The following PDE1C variants were observed in gnomAD, a reference collection of about 807,000 sequenced individuals.
The protein encoded by PDE1C is dual specificity calcium/calmodulin-dependent 3',5'-cyclic nucleotide phosphodiesterase 1C.
PDE1C carries 62 observed loss-of-function variants against 93.1 expected under a neutral mutation model. The ratio of observed to expected loss-of-function variants is 0.67; its 90% CI spans 0.54 to 0.82. PDE1C has a LOEUF of 0.82. PDE1C is among the 40% of genes least tolerant of loss of function. The pLI, the probability that PDE1C is intolerant of heterozygous loss-of-function variation, is 0.00. For missense variants in PDE1C, 742 were observed against 884.6 expected (o/e 0.84, Z 2.04); for synonymous variants, 325 against 310.1 (o/e 1.05, Z -0.50).
intron 1 of PDE1C, among the ~76,000 whole-genome samples, chr7:32,213,410 A>G (rs111803299): frequency 1.7e-4 from 26 of 152,300 alleles, no homozygotes; most frequent in Non-Finnish European, 3.2e-4. Flanking sequence ...TACACTCTGC[A>G]TGGTCTAGAA....
the PDE1C span, among the ~76,000 whole-genome samples, chr7:31,622,334 A>C: frequency 5.3e-5 from 8 of 152,258 alleles, no homozygotes; most frequent in African/African-American, 7.2e-5. Context: ...ACACCTATTC[A>C]AAAATTGACC....
rs1789554116 is a variant in PDE1C, at chr7:31,825,619, G to T, written c.1286-632C>A. Among the ~76,000 whole-genome samples the T allele has an allele frequency of 2.6e-5, 4 of 152,244 alleles. No homozygotes were observed. In the South Asian group the frequency reaches 8.3e-4, roughly 32 times the overall value. ...GTTCTTTGGAAAGTTAATCTGGCAAGATAGATAAGAAGGAAGAAAGCAGGA... is the reference window on the plus strand; with the variant it reads ...GTTCTTTGGAAAGTTAATCTGGCAATATAGATAAGAAGGAAGAAAGCAGGA... On this transcript the variant is annotated intron_variant, in intron 12 of 17. Transcript: ENST00000396191.
the PDE1C span, among the ~76,000 whole-genome samples, chr7:31,697,598 C>T: frequency 2.6e-5 from 4 of 152,216 alleles, 1 homozygote; most frequent in African/African-American, 9.6e-5. Flanking sequence ...AGCACAGCCC[C>T]AGTCTGTAAA....
chr7:31,856,601 T>C (rs375020130), intron 7 of PDE1C, among the ~76,000 whole-genome samples: 30 of 152,192 alleles, frequency 2.0e-4, no homozygotes, highest in East Asian at 1.7e-3. Context: ...TCAAAGTGCA[T>C]TTTTGCATCC....
the PDE1C span, among the ~76,000 whole-genome samples, chr7:31,698,770 G>A: frequency 6.6e-6 from 1 of 152,166 alleles, no homozygotes; most frequent in Non-Finnish European, 1.5e-5. Flanking sequence ...ATGAAGAATG[G>A]GAGATAGAAA....
chr7:31,790,204 G>A, intron 16 of PDE1C: 3 of 1,612,112 alleles, frequency 1.9e-6, no homozygotes, highest in Non-Finnish European at 2.5e-6. Context: ...CTAGAATGAT[G>A]CAAGACACTG....
chr7:32,085,240 C>T (rs1173891814), intron 3 of PDE1C, among the ~76,000 whole-genome samples: 9 of 148,216 alleles, frequency 6.1e-5, no homozygotes, highest in Non-Finnish European at 1.2e-4. Context: ...CGCAAATAAA[C>T]TAGAAAATCT....
chr7:32,007,665 A>G lies in PDE1C; in HGVS notation c.128+43889T>C, dbSNP rs78497095. The stretch of plus-strand genomic sequence containing the variant: ...GCCACTACCACTGTCACTAGTCCCA[A>G]TTAGCCTTATTGTTCTCCATAGCAT... On this transcript the variant is annotated intron_variant, in intron 2 of 17. Transcript: ENST00000396191. Among the ~76,000 whole-genome samples the G allele has an allele frequency of 6.6e-3, 1,003 of 152,330 alleles. 4 individuals are homozygous for G. Among genetic ancestry groups the G allele is most frequent in the Non-Finnish European group, 9.6e-3 (651 of 68,028 alleles).
intron 2 of PDE1C, among the ~76,000 whole-genome samples, chr7:31,931,383 A>C (rs1191636974): frequency 6.6e-6 from 1 of 152,266 alleles, no homozygotes; most frequent in Non-Finnish European, 1.5e-5. Flanking sequence ...AAGCCACTTC[A>C]GCAAAGTCTC....
At chr7:32,345,009 T>G (rs1254872086) in intron 1 of PDE1C, among the ~76,000 whole-genome samples, 1 of 152,190 alleles carries the variant, frequency 6.6e-6, no homozygotes, top group Non-Finnish European at 1.5e-5. Context: ...TCCTTAACCT[T>G]GAATGGTACT....
chr7:31,818,512 A>C (rs1788545408), intron 14 of PDE1C, among the ~76,000 whole-genome samples: 1 of 152,224 alleles, frequency 6.6e-6, no homozygotes. Flanking sequence ...GGTGTGATTT[A>C]TCCTATATGC....
chr7:31,699,032 A>G, the PDE1C span, among the ~76,000 whole-genome samples: 1 of 152,188 alleles, frequency 6.6e-6, no homozygotes. Flanking sequence ...CCCCAAAGAA[A>G]AAGTCCTTGC....
chr7:31,982,403 C>T lies in PDE1C; in HGVS notation c.128+69151G>A, dbSNP rs557552839. Among the ~76,000 whole-genome samples, 3 of 152,300 alleles carry T rather than the reference C, an allele frequency of 2.0e-5. No individual in the cohort carries two copies. In the South Asian group the frequency reaches 6.2e-4, roughly 32 times the overall value. On this transcript the variant is annotated intron_variant, in intron 2 of 17. Coordinates refer to ENST00000396191, the MANE Select transcript of PDE1C (RefSeq NM_001191057.4). ...CAAACCATGAATTTAATGCCAAACT[C>T]CTGTGCTCAGGTAGGCATGACAGTA...
chr7:32,378,561 CA>C (rs1416934539), intron 1 of PDE1C, among the ~76,000 whole-genome samples: 1 of 152,180 alleles, frequency 6.6e-6, no homozygotes, highest in African/African-American at 2.4e-5. Context: ...ACAAGATATG[CA>C]ACTTCCCCAG....
At chr7:32,257,487 AT>A (rs1809890750) in intron 1 of PDE1C, among the ~76,000 whole-genome samples, 1 of 152,220 alleles carries the variant, frequency 6.6e-6, no homozygotes, top group Admixed American at 6.5e-5. Context: ...AGTATCCTCT[AT>A]AAAAATGGGT....
Position 31,814,019 on chromosome 7 carries a change from C to CGTGTGTGT in PDE1C, c.1813+1897_1813+1904dup, listed in dbSNP as rs147151538. ...TTTTTATGGCTGAATAGTATTCCAT[C>CGTGTGTGT]GTGTGTGTGTGTGTGTGTGTATACA... On this transcript the variant is annotated intron_variant, in intron 15 of 17. Transcript: ENST00000396191. 5.0e-4 allele frequency among the ~76,000 whole-genome samples: 75 copies of CGTGTGTGT among 149,502 alleles called. No homozygotes were observed. The East Asian group carries it at 8.3e-3, about 17-fold the overall frequency.
At chr7:31,652,402 AAG>A in the PDE1C span, 1 of 1,431,960 alleles carries the variant, frequency 7.0e-7, no homozygotes, top group Non-Finnish European at 9.2e-7. Flanking sequence ...TGCTGGCTCA[AAG>A]AGCCCATTCT....
chr7:32,082,119 G>C (rs1584722926), intron 3 of PDE1C, among the ~76,000 whole-genome samples: 1 of 152,252 alleles, frequency 6.6e-6, no homozygotes, highest in Non-Finnish European at 1.5e-5. Flanking sequence ...CAAAGAAAGG[G>C]GTGACAGACG....
chr7:32,308,491 C>G (rs1468326121), intron 1 of PDE1C, among the ~76,000 whole-genome samples: 1 of 152,218 alleles, frequency 6.6e-6, no homozygotes, highest in African/African-American at 2.4e-5. Flanking sequence ...CCAGTAGTGG[C>G]AGACTGACAC....
Sources: gnomAD v4.1 joint callset for allele counts (sites outside exome capture counted in the v4.1 genomes callset) on GRCh38, gnomAD v4.1.1 for gene constraint, MANE v1.5 for transcripts, NCBI Gene and HGNC (gene_info 2026-07-23, HGNC 2026-07-21) for gene names.